Variants in CAMTA1 observed in about 807,000 individuals in gnomAD.
CAMTA1 encodes calmodulin binding transcription activator 1.
CAMTA1 carries 27 observed loss-of-function variants against 170.9 expected under a neutral mutation model. The ratio of observed to expected loss-of-function variants is 0.16; its 90% CI spans 0.12 to 0.22. CAMTA1 has a LOEUF of 0.22. CAMTA1 is among the 10% of genes least tolerant of loss of function. The pLI, the probability that CAMTA1 is intolerant of heterozygous loss-of-function variation, is 1.00. For synonymous variants in CAMTA1, 833 were observed against 891.5 expected (o/e 0.93, Z 1.17); for missense variants, 1,619 against 2,217.2 (o/e 0.73, Z 5.42).
intron 22 of CAMTA1, among the ~76,000 whole-genome samples, chr1:7,760,230 A>G (rs1477822018): frequency 6.6e-6 from 1 of 152,228 alleles, no homozygotes; most frequent in East Asian, 1.9e-4. Flanking sequence ...CGGGTTTCCA[A>G]ACACTTTGCC....
At chr1:7,599,270 G>A (rs1435218063) in intron 6 of CAMTA1, among the ~76,000 whole-genome samples, 4 of 152,154 alleles carry the variant, frequency 2.6e-5, no homozygotes, top group Admixed American at 6.5e-5. Context: ...CATTATTTCT[G>A]AGGGCTCTGT....
intron 3 of CAMTA1, among the ~76,000 whole-genome samples, chr1:7,022,064 G>A (rs937430900): frequency 3.3e-5 from 5 of 152,180 alleles, no homozygotes; most frequent in African/African-American, 1.2e-4. Flanking sequence ...CAGGTCTCCC[G>A]AGCGTGACTC....
chr1:6,999,577 T>C (rs1697880789), intron 3 of CAMTA1, among the ~76,000 whole-genome samples: 1 of 152,154 alleles, frequency 6.6e-6, no homozygotes. Context: ...GAGACGGGGC[T>C]TTCCCATGTT....
intron 4 of CAMTA1, among the ~76,000 whole-genome samples, chr1:7,159,086 T>C (rs1438327633): frequency 6.6e-6 from 1 of 152,094 alleles, no homozygotes; most frequent in Non-Finnish European, 1.5e-5. Flanking sequence ...TATATGGCTC[T>C]TAAGTTGTTT....
chr1:7,241,086 T>C (rs555509585), intron 4 of CAMTA1, among the ~76,000 whole-genome samples: 2 of 152,156 alleles, frequency 1.3e-5, no homozygotes, highest in South Asian at 4.1e-4. Flanking sequence ...AATAAATAGG[T>C]TTAGCAAGGG....
intron 5 of CAMTA1, among the ~76,000 whole-genome samples, chr1:7,284,610 C>A (rs1672091596): frequency 6.6e-6 from 1 of 152,150 alleles, no homozygotes; most frequent in Non-Finnish European, 1.5e-5. Context: ...CAGAGTAAGT[C>A]CTTCATGCGA....
At chr1:7,726,002 G>T (rs189989469) in intron 11 of CAMTA1, among the ~76,000 whole-genome samples, 7 of 152,352 alleles carry the variant, frequency 4.6e-5, no homozygotes, top group Admixed American at 1.3e-4. Flanking sequence ...GAACAGGCAG[G>T]TGGGTCACGC....
Position 7,014,993 on chromosome 1 carries a change from C to CT in CAMTA1, c.235-76310dup, listed in dbSNP as rs1284078879. 6.6e-6 allele frequency among the ~76,000 whole-genome samples: 1 copy of CT among 152,226 alleles called. No homozygotes were observed. Among genetic ancestry groups the CT allele is most frequent in the Non-Finnish European group, 1.5e-5 (1 of 68,040 alleles). ...CATTGTCCTCCAACTCTGAGAGCCT[C>CT]TGATCCTATTATTCCAAGTCAAGAA... On this transcript the variant is annotated intron_variant, in intron 3 of 22. Transcript: ENST00000303635. The surrounding 1 kb of genome is among the most constrained non-coding windows in gnomAD (Gnocchi z 4.2).
intron 3 of CAMTA1, among the ~76,000 whole-genome samples, chr1:6,846,371 C>T (rs1658153920): frequency 6.6e-6 from 1 of 152,198 alleles, no homozygotes; most frequent in African/African-American, 2.4e-5. Flanking sequence ...TACGTGGAGC[C>T]ACTTTTCATT....
At chr1:7,478,452 T>G (rs2093459417) in intron 6 of CAMTA1, among the ~76,000 whole-genome samples, 1 of 152,196 alleles carries the variant, frequency 6.6e-6, no homozygotes, top group Non-Finnish European at 1.5e-5. Context: ...TGGCCTGGCC[T>G]GCCGACGCTC....
In CAMTA1 at chr1:7,457,895, C is replaced by T. The variant is rs1199569286; in HGVS notation, c.439-9935C>T. 2.6e-5 allele frequency among the ~76,000 whole-genome samples: 4 copies of T among 152,314 alleles called. No individual in the cohort carries two copies. The East Asian group carries it at 5.8e-4, about 22-fold the overall frequency. ...TCTGCCTGCCCAAGGATCCCCCTTC[C>T]GCGGAGCTCCGGCCGACCCAGATAC... is the stretch of plus-strand genomic sequence containing the variant. On this transcript the variant is annotated intron_variant, in intron 5 of 22. Transcript: ENST00000303635.
intron 11 of CAMTA1, among the ~76,000 whole-genome samples, chr1:7,720,507 G>A (rs192150981): frequency 1.6e-4 from 25 of 152,108 alleles, no homozygotes; most frequent in African/African-American, 5.3e-4. Flanking sequence ...TCAGCCTCCT[G>A]AGTGGCTAGG....
chr1:7,218,080 G>A (rs756795242), intron 4 of CAMTA1, among the ~76,000 whole-genome samples: 12 of 152,088 alleles, frequency 7.9e-5, no homozygotes, highest in Non-Finnish European at 1.5e-4. Flanking sequence ...GGTCTGCTTC[G>A]CTAGATATAA....
chr1:7,600,368 C>T (rs570114699), intron 6 of CAMTA1, among the ~76,000 whole-genome samples: 2 of 152,052 alleles, frequency 1.3e-5, no homozygotes, highest in African/African-American at 2.4e-5. Flanking sequence ...ATTTTTGCAT[C>T]GAGGTTCATC....
chr1:7,647,282 G>GC, intron 7 of CAMTA1, among the ~76,000 whole-genome samples: 1 of 151,658 alleles, frequency 6.6e-6, no homozygotes, highest in East Asian at 1.9e-4. Flanking sequence ...TCCAGAAGGG[G>GC]GGGGGGCTGT....
At chr1:7,650,697 C>T (rs1474666847) in intron 7 of CAMTA1, among the ~76,000 whole-genome samples, 3 of 152,208 alleles carry the variant, frequency 2.0e-5, no homozygotes, top group South Asian at 2.1e-4. Flanking sequence ...CATCCCGTCC[C>T]CCCTCAGCCT....
In CAMTA1 at chr1:6,970,501, C is replaced by T. The variant is rs767773139; in HGVS notation, c.235-120803C>T. Reference sequence around the variant, plus strand: ...GGGTTCTTGCCAGGCCAGGGACTCTCGGCTTGGAGGGGGTCACTCCAAGGG... The same window carrying T: ...GGGTTCTTGCCAGGCCAGGGACTCTTGGCTTGGAGGGGGTCACTCCAAGGG... On this transcript the variant is annotated intron_variant, in intron 3 of 22. Coordinates refer to ENST00000303635, the MANE Select transcript of CAMTA1 (RefSeq NM_015215.4). This position sits in a 1 kb window ranked among gnomAD's most constrained non-coding sequence, Gnocchi z 4.4. Among the ~76,000 whole-genome samples, 12 of 151,978 alleles carry T rather than the reference C, an allele frequency of 7.9e-5. No homozygotes were observed. Among genetic ancestry groups the T allele is most frequent in the Non-Finnish European group, 8.8e-5 (6 of 68,002 alleles).
At chr1:6,873,655 C>A (rs1359825372) in intron 3 of CAMTA1, among the ~76,000 whole-genome samples, 1 of 152,210 alleles carries the variant, frequency 6.6e-6, no homozygotes, top group Non-Finnish European at 1.5e-5. Flanking sequence ...TTTTAATTCT[C>A]TTATTTTACG....
intron 5 of CAMTA1, among the ~76,000 whole-genome samples, chr1:7,385,309 T>C (rs1311314138): frequency 6.6e-6 from 1 of 152,152 alleles, no homozygotes; most frequent in Non-Finnish European, 1.5e-5. Flanking sequence ...CAGGAGCCTG[T>C]TCACTATTAA....
Sources: gnomAD v4.1 joint callset for allele counts (sites outside exome capture counted in the v4.1 genomes callset) on GRCh38, gnomAD v4.1.1 for gene constraint, Gnocchi (gnomAD v3.1) non-coding constraint, MANE v1.5 for transcripts, NCBI Gene and HGNC (gene_info 2026-07-23, HGNC 2026-07-21) for gene names.